PAFAH1B1: variants seen among roughly 807,000 people sequenced by gnomAD.
PAFAH1B1 encodes the protein platelet activating factor acetylhydrolase 1b regulatory subunit 1, also known as platelet-activating factor acetylhydrolase IB subunit beta.
Under a neutral mutation model 57.5 loss-of-function variants are expected in PAFAH1B1, and 2 were observed. That is an observed-to-expected ratio of 0.03 (90% CI 0.01 to 0.11). The LOEUF is 0.11. Among genes scored for constraint, PAFAH1B1 ranks in the 10% least tolerant of loss-of-function variants. The pLI is 1.00. For missense variants in PAFAH1B1, 257 were observed against 512.0 expected (o/e 0.50, Z 4.81); for synonymous variants, 152 against 169.6 (o/e 0.90, Z 0.81).
chr17:2,600,974 T>C lies in PAFAH1B1; in HGVS notation c.-191+6968T>C, dbSNP rs78629395. Among the ~76,000 whole-genome samples the C allele has an allele frequency of 6.0e-3, 916 of 152,102 alleles. 12 individuals are homozygous for C. The highest frequency in any genetic ancestry group is 0.021 in the African/African-American group (866 of 41,504). On this transcript the variant is annotated intron_variant, in intron 1 of 10. Coordinates refer to ENST00000397195, the MANE Select transcript of PAFAH1B1 (RefSeq NM_000430.4). ...CTCGAACTCCTGACCTCAGGTGATC[T>C]ACCCACTTCAGTGTCTGAAAGTGCT...
At chr17:2,627,922 TAATCTTG>T (rs2068512279) in intron 1 of PAFAH1B1, among the ~76,000 whole-genome samples, 1 of 152,236 alleles carries the variant, frequency 6.6e-6, no homozygotes, top group South Asian at 2.1e-4. Context: ...TTGTGTACAT[TAATCTTG>T]AATCCAGAAA....
At chr17:2,634,288 A>C (rs2068594742) in intron 1 of PAFAH1B1, among the ~76,000 whole-genome samples, 1 of 152,130 alleles carries the variant, frequency 6.6e-6, no homozygotes, top group Non-Finnish European at 1.5e-5. Flanking sequence ...GGTGCTCGCC[A>C]CCATGCCCAG....
At chr17:2,659,025 C>T (rs1347164143) in intron 2 of PAFAH1B1, among the ~76,000 whole-genome samples, 1 of 151,270 alleles carries the variant, frequency 6.6e-6, no homozygotes, top group East Asian at 2.0e-4. Context: ...CCAAGGTGGA[C>T]GAATCACTTG....
chr17:2,680,395 G>A (rs2069363725), intron 10 of PAFAH1B1, 75 bp downstream of exon 10: 1 of 1,343,654 alleles, frequency 7.4e-7, no homozygotes, highest in Non-Finnish European at 1.1e-6. Flanking sequence ...ATAATCGTGT[G>A]GACTTTGCCA....
At chr17:2,621,873 A>G (rs901645089) in intron 1 of PAFAH1B1, among the ~76,000 whole-genome samples, 7 of 152,174 alleles carry the variant, frequency 4.6e-5, no homozygotes, top group African/African-American at 1.7e-4. Flanking sequence ...ACTGGGAACA[A>G]AAAGAGGTTT....
intron 1 of PAFAH1B1, among the ~76,000 whole-genome samples, chr17:2,619,007 C>G (rs2068384764): frequency 6.7e-6 from 1 of 148,172 alleles, no homozygotes; most frequent in Admixed American, 6.7e-5. Flanking sequence ...AACACTCCCA[C>G]AAGAGATAAT....
chr17:2,594,325 A>G (rs1264217924), intron 1 of PAFAH1B1, among the ~76,000 whole-genome samples: 1 of 152,160 alleles, frequency 6.6e-6, no homozygotes, highest in Non-Finnish European at 1.5e-5. Flanking sequence ...CTCCCCAAGA[A>G]GGGATCGCCC....
chr17:2,597,316 A>G (rs1424210306), intron 1 of PAFAH1B1, among the ~76,000 whole-genome samples: 1 of 151,508 alleles, frequency 6.6e-6, no homozygotes, highest in Non-Finnish European at 1.5e-5. Context: ...CAGATAAAAT[A>G]TCTCTAGTGT....
In PAFAH1B1 at chr17:2,672,730, C is replaced by T; in HGVS notation, c.644C>T (p.Thr215Ile). The T allele has an allele frequency of 6.2e-7, 1 of 1,611,948 alleles. No homozygotes were observed. Among genetic ancestry groups the T allele is most frequent in the Non-Finnish European group, 8.5e-7 (1 of 1,178,436 alleles). The change falls in exon 7 of 11, where the codon ACT becomes ATT. Residue 215 changes from threonine (T) to isoleucine (I), a missense_variant. Coordinates refer to ENST00000397195, the MANE Select transcript of PAFAH1B1 (RefSeq NM_000430.4). ...ATAGTGTCTGCCTCAAGGGATAAAA[C>T]TATAAAAATGTGGGAAGTGCAAACT... ...DHIVSASRDK[T>I]IKMWEVQTGY...
chr17:2,684,935 T>C lies in PAFAH1B1; in HGVS notation c.*3133T>C, dbSNP rs2069452277. ...TCGTTAAATAGGTTTTCTTTAAACT[T>C]AATTAAAGAAAAACTATTTAAAGGT... On this transcript the variant is annotated 3_prime_UTR_variant, in exon 11 of 11. Coordinates refer to ENST00000397195, the MANE Select transcript of PAFAH1B1 (RefSeq NM_000430.4). The C allele has an allele frequency of 6.6e-6, 1 of 152,170 alleles. No individual in the cohort carries two copies. Among genetic ancestry groups the C allele is most frequent in the Admixed American group, 6.5e-5 (1 of 15,274 alleles). The allele number at this position is 152,170 out of a possible 1,614,324, so 9.4% of individuals were successfully genotyped here. A position where few individuals can be genotyped will look rare whatever the true frequency, so the allele number is the denominator to read the frequency against.
chr17:2,652,210 A>C (rs1443227329), intron 2 of PAFAH1B1, among the ~76,000 whole-genome samples: 1 of 151,996 alleles, frequency 6.6e-6, no homozygotes, highest in African/African-American at 2.4e-5. Flanking sequence ...GGAGATCGAG[A>C]CCATCCTGGC....
At chr17:2,644,843 A>G (rs577892917) in intron 2 of PAFAH1B1, among the ~76,000 whole-genome samples, 2 of 152,318 alleles carry the variant, frequency 1.3e-5, no homozygotes, top group South Asian at 4.1e-4. Context: ...TTTAAGCATT[A>G]TGATATTATG....
chr17:2,646,104 G>A (rs987144986), intron 2 of PAFAH1B1, among the ~76,000 whole-genome samples: 1 of 151,730 alleles, frequency 6.6e-6, no homozygotes, highest in Non-Finnish European at 1.5e-5. Context: ...GGATAAGAAC[G>A]ACAAAATAAG....
intron 2 of PAFAH1B1, among the ~76,000 whole-genome samples, chr17:2,656,711 A>G (rs2068940547): frequency 6.6e-6 from 1 of 152,094 alleles, no homozygotes; most frequent in South Asian, 2.1e-4. Flanking sequence ...AGGGATCTTC[A>G]TTGTTTTTTA....
intron 3 of PAFAH1B1, 53 bp downstream of exon 3, chr17:2,665,509 C>T (rs1308886564): frequency 9.7e-6 from 10 of 1,029,978 alleles, no homozygotes; most frequent in Admixed American, 8.5e-5. Context: ...GATTTTCACT[C>T]AAGTATCTGT....
chr17:2,665,425 C>T lies in PAFAH1B1; in HGVS notation c.86C>T (p.Ser29Leu). The stretch of plus-strand genomic sequence containing the variant: ...TCAAATGGCTATGAAGAGGCATATT[C>T]AGTTTTTAAAAAGGAAGCTGAATTA... ...LRSNGYEEAY[S>L]VFKKEAELDV... The change falls in exon 3 of 11, where the codon TCA becomes TTA. Residue 29 changes from serine (S) to leucine (L), a missense_variant. Coordinates refer to ENST00000397195, the MANE Select transcript of PAFAH1B1 (RefSeq NM_000430.4). 6.2e-7 allele frequency: 1 copy of T among 1,606,364 alleles called. No homozygotes were observed. Among genetic ancestry groups the T allele is most frequent in the Non-Finnish European group, 8.5e-7 (1 of 1,174,236 alleles).
chr17:2,665,427 G>T lies in PAFAH1B1; in HGVS notation c.88G>T (p.Val30Phe). 6.2e-7 allele frequency: 1 copy of T among 1,605,890 alleles called. No individual in the cohort carries two copies. Among genetic ancestry groups the T allele is most frequent in the Middle Eastern group, 1.9e-4 (1 of 5,360 alleles). The change falls in exon 3 of 11, where the codon GTT becomes TTT. Residue 30 changes from valine to phenylalanine, a missense_variant. Transcript: ENST00000397195. ...AAATGGCTATGAAGAGGCATATTCA[G>T]TTTTTAAAAAGGAAGCTGAATTAGA... ...RSNGYEEAYS[V>F]FKKEAELDVN...
At chr17:2,673,128 G>C (rs975653172) in intron 7 of PAFAH1B1, among the ~76,000 whole-genome samples, 1 of 152,052 alleles carries the variant, frequency 6.6e-6, no homozygotes, top group Non-Finnish European at 1.5e-5. Flanking sequence ...ATTGTGTTCT[G>C]GTGTTGCAGT....
At chr17:2,643,789 G>C (rs2068729006) in intron 2 of PAFAH1B1, among the ~76,000 whole-genome samples, 1 of 152,070 alleles carries the variant, frequency 6.6e-6, no homozygotes, top group Admixed American at 6.6e-5. Context: ...TCAAGCTCCT[G>C]ACCTCAACAG....
Sources: gnomAD v4.1 joint callset for allele counts (sites outside exome capture counted in the v4.1 genomes callset) on GRCh38, gnomAD v4.1.1 for gene constraint, MANE v1.5 for transcripts, NCBI Gene and HGNC (gene_info 2026-07-23, HGNC 2026-07-21) for gene names.